The following TAFA4 variants were observed in gnomAD, a reference collection of about 807,000 sequenced individuals.
TAFA4 encodes TAFA chemokine like family member 4.
In TAFA4, 20 loss-of-function variants were observed where a neutral mutation model predicts 21.1. That is an observed-to-expected ratio of 0.95 (90% confidence interval 0.67 to 1.38). TAFA4 has a LOEUF of 1.38. TAFA4 is among the 40% of genes most tolerant of loss of function. The probability of loss-of-function intolerance (pLI) is 0.00; values close to 1 mark genes in which losing one functional copy is unlikely to be tolerated. For synonymous variants in TAFA4, 71 were observed against 67.4 expected, an observed-to-expected ratio of 1.05 and a Z score of -0.26; for missense variants, 211 against 180.9, an observed-to-expected ratio of 1.17 and a Z score of -0.95.
intron 3 of TAFA4, among the ~76,000 whole-genome samples, chr3:68,825,061 T>G (rs778452487): frequency 1.3e-5 from 2 of 152,182 alleles, no homozygotes; most frequent in African/African-American, 4.8e-5. Flanking sequence ...GTTTGCTGCA[T>G]AGACCATCCC....
At chr3:68,755,410 G>A (rs1406546628) in intron 3 of TAFA4, among the ~76,000 whole-genome samples, 2 of 152,186 alleles carry the variant, frequency 1.3e-5, no homozygotes, top group Non-Finnish European at 2.9e-5. Context: ...CGACCTGAGT[G>A]AGTAATTCCA....
intron 1 of TAFA4, among the ~76,000 whole-genome samples, chr3:68,888,128 T>C (rs1039918773): frequency 5.3e-5 from 8 of 152,116 alleles, no homozygotes; most frequent in African/African-American, 1.2e-4. Context: ...TACTAGATCA[T>C]TGCTCTTAAA....
intron 3 of TAFA4, among the ~76,000 whole-genome samples, chr3:68,761,510 A>G (rs1702755124): frequency 6.6e-6 from 1 of 152,184 alleles, no homozygotes; most frequent in Admixed American, 6.5e-5. Context: ...TCTGAGGGGA[A>G]ATGCCCTTGT....
intron 1 of TAFA4, among the ~76,000 whole-genome samples, chr3:68,912,177 G>A (rs772697924): frequency 2.6e-5 from 4 of 152,168 alleles, no homozygotes; most frequent in African/African-American, 4.8e-5. Flanking sequence ...GGGAATATGA[G>A]CCAGTTTTGC....
At chr3:68,753,796 C>T (rs1702608334) in intron 3 of TAFA4, among the ~76,000 whole-genome samples, 2 of 152,186 alleles carry the variant, frequency 1.3e-5, no homozygotes, top group Admixed American at 1.3e-4. Flanking sequence ...GATCTCAGTC[C>T]TACAACCTCA....
rs187683759 is a variant in TAFA4 at position 68,733,297 on chromosome 3, G to C, written c.412-144C>G. The C allele has an allele frequency of 1.4e-5, 15 of 1,043,692 alleles. No individual in the cohort carries two copies. In the Admixed American group the frequency reaches 3.5e-4, roughly 25 times the overall value. The allele number at this position is 1,043,692 out of a possible 1,614,324, so 64.7% of individuals were successfully genotyped here. The stretch of plus-strand genomic sequence containing the variant: ...TATAACCGACCTCACCAAATCAACA[G>C]TTCAAATTCTGCTTTGCAGCCTAAA... On this transcript the variant is annotated intron_variant, in intron 5 of 5. Transcript: ENST00000295569.
At chr3:68,892,055 C>G (rs138176367) in intron 1 of TAFA4, among the ~76,000 whole-genome samples, 10 of 152,056 alleles carry the variant, frequency 6.6e-5, no homozygotes, top group Non-Finnish European at 1.3e-4. Context: ...AGGTTACCAA[C>G]GTTTATGTGA....
intron 3 of TAFA4, among the ~76,000 whole-genome samples, chr3:68,874,741 A>G (rs940554289): frequency 1.5e-4 from 23 of 152,120 alleles, no homozygotes; most frequent in East Asian, 1.4e-3. Context: ...TCATTTGAGG[A>G]ACTGAAATTC....
chr3:68,735,036 C>T (rs374157116), intron 5 of TAFA4, among the ~76,000 whole-genome samples: 9 of 152,182 alleles, frequency 5.9e-5, no homozygotes, highest in African/African-American at 1.7e-4. Flanking sequence ...TGAATTTTGA[C>T]GGATACAAGG....
intron 3 of TAFA4, among the ~76,000 whole-genome samples, chr3:68,785,782 C>A (rs1018029895): frequency 6.7e-6 from 1 of 149,742 alleles, no homozygotes; most frequent in Admixed American, 6.6e-5. Flanking sequence ...GAGGAGGTGC[C>A]GAGAGTGAGC....
chr3:68,759,770 G>A (rs1361676878), intron 3 of TAFA4, among the ~76,000 whole-genome samples: 1 of 152,130 alleles, frequency 6.6e-6, no homozygotes, highest in African/African-American at 2.4e-5. Flanking sequence ...CAGAAATGGG[G>A]CTGCTCCTAG....
chr3:68,832,286 T>G (rs1704416604), intron 3 of TAFA4, among the ~76,000 whole-genome samples: 1 of 152,242 alleles, frequency 6.6e-6, no homozygotes, highest in African/African-American at 2.4e-5. Context: ...TTTCAGCCTC[T>G]CTGCTCTGGT....
At chr3:68,813,613 C>T (rs1451757733) in intron 3 of TAFA4, among the ~76,000 whole-genome samples, 2 of 152,018 alleles carry the variant, frequency 1.3e-5, no homozygotes, top group Admixed American at 6.6e-5. Context: ...AAGACTAAAC[C>T]AGGAAGAAGT....
chr3:68,794,895 A>C (rs979057391), intron 3 of TAFA4, among the ~76,000 whole-genome samples: 1 of 151,974 alleles, frequency 6.6e-6, no homozygotes, highest in African/African-American at 2.4e-5. Context: ...GAAAAAAAAA[A>C]TACAGCTGTT....
At chr3:68,747,970 T>A (rs1305959125) in intron 4 of TAFA4, among the ~76,000 whole-genome samples, 1 of 152,180 alleles carries the variant, frequency 6.6e-6, no homozygotes, top group Non-Finnish European at 1.5e-5. Context: ...TCGTGCTGCC[T>A]TGTTCCCTGA....
intron 1 of TAFA4, among the ~76,000 whole-genome samples, chr3:68,925,108 C>T (rs564041657): frequency 6.6e-6 from 1 of 152,146 alleles, no homozygotes; most frequent in Non-Finnish European, 1.5e-5. Flanking sequence ...AAGAGCAGGA[C>T]AGAGTGCAAA....
intron 3 of TAFA4, among the ~76,000 whole-genome samples, chr3:68,879,952 GACA>G (rs1217202820): frequency 4.6e-5 from 7 of 152,130 alleles, no homozygotes; most frequent in South Asian, 2.1e-4. Flanking sequence ...TAAATTAATT[GACA>G]ACAAGTCCAT....
chr3:68,914,690 C>T (rs780297676), intron 1 of TAFA4, among the ~76,000 whole-genome samples: 8 of 152,198 alleles, frequency 5.3e-5, no homozygotes, highest in South Asian at 2.1e-4. Flanking sequence ...ACCATGGAAG[C>T]GGTGTGCAAA....
At chr3:68,870,780 T>G (rs1575650664) in intron 3 of TAFA4, among the ~76,000 whole-genome samples, 1 of 152,110 alleles carries the variant, frequency 6.6e-6, no homozygotes, top group African/African-American at 2.4e-5. Flanking sequence ...TTTCCCTTCC[T>G]GTATCAATGT....
Sources: allele counts gnomAD v4.1 joint callset (sites outside exome capture counted in the v4.1 genomes callset), GRCh38; gene constraint gnomAD v4.1.1; transcripts MANE v1.5; gene names NCBI Gene and HGNC (gene_info 2026-07-23, HGNC 2026-07-21).